The following MAP7D1 variants were observed in gnomAD, a reference collection of about 807,000 sequenced individuals.
MAP7D1 encodes the protein MAP7 domain-containing protein 1.
Under a neutral mutation model 97.5 loss-of-function variants are expected in MAP7D1, and 30 were observed. The observed-to-expected ratio is 0.31, with a 90% confidence interval of 0.23 to 0.42. MAP7D1 has a LOEUF of 0.42. MAP7D1 is among the 10% of genes least tolerant of loss of function. The pLI is 1.00. For missense variants in MAP7D1, 1,184 were observed against 1,179.5 expected (o/e 1.00, Z -0.06); for synonymous variants, 536 against 477.1 (o/e 1.12, Z -1.61).
chr1:36,167,575 C>T (rs1176909469), intron 1 of MAP7D1, among the ~76,000 whole-genome samples: 2 of 152,162 alleles, frequency 1.3e-5, no homozygotes, highest in Non-Finnish European at 2.9e-5. Context: ...ATGATGTACC[C>T]GTCTGTACCA....
Position 36,176,068 on chromosome 1 carries a change from T to G in MAP7D1, c.851-131T>G. On this transcript the variant is annotated intron_variant, in intron 6 of 16. Coordinates refer to ENST00000474796, the MANE Select transcript of MAP7D1 (RefSeq NM_001388490.1). This position sits in a 1 kb window ranked among gnomAD's most constrained non-coding sequence, Gnocchi z 6.1. ...GAGGACAAGTGTGGCCCCGGTGTGA[T>G]TGTGGGGAGAGGACTCCCGGGTGAG... The G allele has an allele frequency of 3.2e-6, 3 of 952,374 alleles. No individual in the cohort carries two copies. The highest frequency in any genetic ancestry group is 4.6e-6 in the Non-Finnish European group (3 of 658,262). The allele number at this position is 952,374 out of a possible 1,614,324, so 59.0% of individuals were successfully genotyped here.
chr1:36,171,698 C>T (rs572709527), intron 3 of MAP7D1, 117 bp downstream of exon 3: 40 of 1,024,562 alleles, frequency 3.9e-5, no homozygotes, highest in Admixed American at 8.2e-5. Flanking sequence ...TTTGGGAGGC[C>T]GAGGCGGGCG....
At chr1:36,161,918 AGAG>A (rs1230195280) in intron 1 of MAP7D1, among the ~76,000 whole-genome samples, 6 of 149,148 alleles carry the variant, frequency 4.0e-5, no homozygotes, top group East Asian at 2.0e-4. Context: ...TGTGAGAGAG[AGAG>A]GAGAATATGT....
rs775481863 is a variant in MAP7D1 at position 36,171,134 on chromosome 1, C to T, written c.210C>T (p.Ser70=). The T allele has an allele frequency of 8.7e-6, 14 of 1,613,898 alleles. No homozygotes were observed. Among genetic ancestry groups the T allele is most frequent in the Non-Finnish European group, 1.2e-5 (14 of 1,179,958 alleles). The change falls in exon 2 of 17, where the codon AGC becomes AGT. Residue 70 remains serine, a synonymous_variant. Transcript: ENST00000474796. The stretch of plus-strand genomic sequence containing the variant: ...AGCAGCTCCCACTGGAACCAGAGAG[C>T]CCCTCAGGGCAGGTCGGGCCTAGGC... ...SSKQLPLEPE[S]PSGQVGPRPA...
At position 36,176,134 on chromosome 1, in the gene MAP7D1, C is replaced by T. The variant is rs1210862986; in HGVS notation, c.851-65C>T. The T allele has an allele frequency of 1.3e-6, 2 of 1,572,544 alleles. No homozygotes were observed. The highest frequency in any genetic ancestry group is 2.3e-5 in the East Asian group (1 of 42,964). ...CATGGGGATGGTGCCTGGTCTGCTC[C>T]CTTGCCTCTTCCTGCCTCCTACGGC... On this transcript the variant is annotated intron_variant, in intron 6 of 16. Transcript: ENST00000474796. This position sits in a 1 kb window ranked among gnomAD's most constrained non-coding sequence, Gnocchi z 6.1.
rs1231806485 is a variant in MAP7D1, at chr1:36,179,698, G to C, written c.2260G>C (p.Gly754Arg). 1 of 1,520,380 alleles carries C rather than the reference G, an allele frequency of 6.6e-7. No homozygotes were observed. Among genetic ancestry groups the C allele is most frequent in the Admixed American group, 2.2e-5 (1 of 45,408 alleles). 94.2% of individuals were successfully genotyped at this position (1,520,380 alleles called of 1,614,324 possible). Residue 754 changes from glycine (G) to arginine (R), a missense_variant, in exon 15 of 17, where the codon GGG (glycine) becomes CGG (arginine). Physicochemically the swap from Gly to Arg is moderately radical, Grantham distance 125 (BLOSUM62 -2). Coordinates refer to ENST00000474796, the MANE Select transcript of MAP7D1 (RefSeq NM_001388490.1). ...PVKAVEARSP[G>R]LQKEAVQKEE... ...GAAAGCTGTGGAGGCTCGGTCCCCAGGGCTGCAGAAGGAGGCTGTGCAGAA... is the reference window on the plus strand; with the variant it reads ...GAAAGCTGTGGAGGCTCGGTCCCCACGGCTGCAGAAGGAGGCTGTGCAGAA...
chr1:36,175,003 G>C lies in MAP7D1; in HGVS notation c.845G>C (p.Ser282Thr). Residue 282 changes from serine to threonine, a missense_variant, in exon 6 of 17, where the codon AGT becomes ACT. Coordinates refer to ENST00000474796, the MANE Select transcript of MAP7D1 (RefSeq NM_001388490.1). ...TCTGCCACGCTCTGGAACTCCCCCAGTAGAAGTAAGAGAAGGCCCAGCCCT... is the reference window on the plus strand; with the variant it reads ...TCTGCCACGCTCTGGAACTCCCCCACTAGAAGTAAGAGAAGGCCCAGCCCT... The part of the protein sequence containing the change: ...KSSATLWNSP[S>T]RNRSLQLSAW... 1 of 1,610,300 alleles carries C rather than the reference G, an allele frequency of 6.2e-7. No individual in the cohort carries two copies.
rs2124188424 is a variant in MAP7D1, at chr1:36,156,219, C to T, written c.-199C>T. ...CGGGGAACGGGTTCGCGACCGCAGC[C>T]GAGAGACCCCGGGCGACCGGCACCT... is the stretch of plus-strand genomic sequence containing the variant. On this transcript the variant is annotated 5_prime_UTR_variant, in exon 1 of 17. Coordinates refer to ENST00000474796, the MANE Select transcript of MAP7D1 (RefSeq NM_001388490.1). The T allele has an allele frequency of 4.6e-6, 2 of 438,218 alleles. No homozygotes were observed. Among genetic ancestry groups the T allele is most frequent in the South Asian group, 5.4e-5 (1 of 18,442 alleles). The allele number at this position is 438,218 out of a possible 1,614,324, so 27.1% of individuals were successfully genotyped here.
intron 1 of MAP7D1, chr1:36,157,079 T>A (rs1644344207): frequency 6.6e-6 from 1 of 152,072 alleles, no homozygotes; most frequent in African/African-American, 2.4e-5. Flanking sequence ...TGCTGCCAAG[T>A]AACCCGCCGG....
Position 36,176,758 on chromosome 1 carries a change from C to G in MAP7D1, c.1295C>G (p.Ala432Gly). The G allele has an allele frequency of 6.2e-7, 1 of 1,603,830 alleles. No homozygotes were observed. Among genetic ancestry groups the G allele is most frequent in the South Asian group, 1.1e-5 (1 of 89,176 alleles). The change falls in exon 8 of 17, where the codon GCC (alanine) becomes GGC (glycine). Residue 432 changes from alanine (A) to glycine (G), a missense_variant. Physicochemically the swap from Ala to Gly is moderately conservative, Grantham distance 60. Coordinates refer to ENST00000474796, the MANE Select transcript of MAP7D1 (RefSeq NM_001388490.1). This position sits in a 1 kb window ranked among gnomAD's most constrained non-coding sequence, Gnocchi z 6.1. Reference protein sequence around the residue: ...RENEKEKSALARERSLKKRQS... With the variant: ...RENEKEKSALGRERSLKKRQS... Reference sequence around the variant, plus strand: ...AACGAGAAGGAGAAGAGTGCCCTAGCCCGGGAGCGCAGCCTCAAGAAGCGC... The same window carrying G: ...AACGAGAAGGAGAAGAGTGCCCTAGGCCGGGAGCGCAGCCTCAAGAAGCGC...
chr1:36,176,553 C>T lies in MAP7D1; in HGVS notation c.1205C>T (p.Pro402Leu), dbSNP rs780310575. 1.1e-4 allele frequency: 166 copies of T among 1,459,274 alleles called. No homozygotes were observed. The highest frequency in any genetic ancestry group is 4.3e-4 in the East Asian group (17 of 39,422). The allele number at this position is 1,459,274 out of a possible 1,614,324, so 90.4% of individuals were successfully genotyped here. Residue 402 changes from proline to leucine, a missense_variant, in exon 7 of 17, where the codon CCG becomes CTG. Coordinates refer to ENST00000474796, the MANE Select transcript of MAP7D1 (RefSeq NM_001388490.1). The surrounding 1 kb of genome is among the most constrained non-coding windows in gnomAD (Gnocchi z 6.1). ...RKPNAGGSPA[P>L]VRRRPEASPV... ...CCCAACGCCGGGGGCAGCCCCGCTC[C>T]GGTGCGCCGCCGGCCGGAGGCCTCG...
At chr1:36,177,780 C>T in intron 8 of MAP7D1, 93 bp from the exon 9 acceptor site, 4 of 1,428,104 alleles carry the variant, frequency 2.8e-6, no homozygotes, top group Non-Finnish European at 3.7e-6. Context: ...CTGATGTAGC[C>T]TGGGGGAGGG....
rs775240265 is a variant in MAP7D1 at position 36,179,489 on chromosome 1, C to G, written c.2185-26C>G. 12 of 1,579,544 alleles carry G rather than the reference C, an allele frequency of 7.6e-6. 1 individual carries two copies. The South Asian group carries it at 1.4e-4, about 18-fold the overall frequency. Reference sequence around the variant, plus strand: ...GGCTGGGGCCGGCTGTCCCTTGAGCCTGACTGCTCTTCCTCTTCAAAGCAG... The same window carrying G: ...GGCTGGGGCCGGCTGTCCCTTGAGCGTGACTGCTCTTCCTCTTCAAAGCAG... On this transcript the variant is annotated intron_variant, in intron 13 of 16. Transcript: ENST00000474796.
At position 36,174,945 on chromosome 1, in the gene MAP7D1, G is replaced by T; in HGVS notation, c.787G>T (p.Asp263Tyr). Residue 263 changes from aspartate to tyrosine, a missense_variant, in exon 6 of 17, where the codon GAC becomes TAC. By Grantham distance (160) the Asp-to-Tyr change is radical. Coordinates refer to ENST00000474796, the MANE Select transcript of MAP7D1 (RefSeq NM_001388490.1). ...VSAVNLPKHV[D>Y]SIINKRLSKS... ...GGCAGTTAACCTGCCCAAACACGTG[G>T]ACTCTATAATCAACAAGCGGCTCTC... is the stretch of plus-strand genomic sequence containing the variant. 6.2e-7 allele frequency: 1 copy of T among 1,614,010 alleles called. No individual in the cohort carries two copies. The highest frequency in any genetic ancestry group is 8.5e-7 in the Non-Finnish European group (1 of 1,179,978).
At chr1:36,164,579 A>AAATT (rs1410580682) in intron 1 of MAP7D1, among the ~76,000 whole-genome samples, 2 of 152,202 alleles carry the variant, frequency 1.3e-5, no homozygotes, top group African/African-American at 4.8e-5. Flanking sequence ...CATCAGCATT[A>AAATT]AAGGAAGGTC....
chr1:36,178,723 C>T lies in MAP7D1; in HGVS notation c.1925C>T (p.Ala642Val). The T allele has an allele frequency of 6.5e-7, 1 of 1,539,408 alleles. No individual in the cohort carries two copies. Among genetic ancestry groups the T allele is most frequent in the Non-Finnish European group, 8.7e-7 (1 of 1,143,012 alleles). ...REEQLAREAE[A>V]RAEREAEARR... ...GAGCAGCTGGCACGGGAGGCCGAGG[C>T]CCGGGCGGAGCGGGAGGCGGAGGCC... is the stretch of plus-strand genomic sequence containing the variant. Residue 642 changes from alanine to valine, a missense_variant, in exon 11 of 17, where the codon GCC becomes GTC. Ala to Val is a moderately conservative substitution (Grantham distance 64). Coordinates refer to ENST00000474796, the MANE Select transcript of MAP7D1 (RefSeq NM_001388490.1).
At position 36,171,556 on chromosome 1, in the gene MAP7D1, G is replaced by T; in HGVS notation, c.435G>T (p.Arg145=). The T allele has an allele frequency of 3.7e-6, 6 of 1,614,214 alleles. No homozygotes were observed. Among genetic ancestry groups the T allele is most frequent in the Non-Finnish European group, 5.1e-6 (6 of 1,180,020 alleles). ...AGAGACACAAGCTGGCAAAGGAGCGGCGAGAAGAGCGGGCCAAGTACCTGG... is the reference window on the plus strand; with the variant it reads ...AGAGACACAAGCTGGCAAAGGAGCGTCGAGAAGAGCGGGCCAAGTACCTGG... The part of the protein sequence containing the change: ...AGERHKLAKE[R]REERAKYLAA... Residue 145 remains arginine (R), a synonymous_variant, in exon 3 of 17, where the codon CGG becomes CGT. Coordinates refer to ENST00000474796, the MANE Select transcript of MAP7D1 (RefSeq NM_001388490.1).
rs1406372413 is a variant in MAP7D1 at position 36,176,345 on chromosome 1, G to A, written c.997G>A (p.Gly333Ser). 1.3e-6 allele frequency: 2 copies of A among 1,528,188 alleles called. No homozygotes were observed. The highest frequency in any genetic ancestry group is 1.8e-6 in the Non-Finnish European group (2 of 1,140,620). The allele number at this position is 1,528,188 out of a possible 1,614,324, so 94.7% of individuals were successfully genotyped here. ...GGGTAGGGGCTGCGACCCTGGGAGA[G>A]GCCCCACGTGGGGCCGGGCAGGGGC... ...DQGRGCDPGRGPTWGRAGASL... is the reference protein window; with the variant it reads ...DQGRGCDPGRSPTWGRAGASL... Residue 333 changes from glycine to serine, a missense_variant, in exon 7 of 17, where the codon GGC becomes AGC. By Grantham distance (56) the Gly-to-Ser change is moderately conservative. Transcript: ENST00000474796. This position sits in a 1 kb window ranked among gnomAD's most constrained non-coding sequence, Gnocchi z 6.1.
chr1:36,167,988 C>T (rs1644493225), intron 1 of MAP7D1, among the ~76,000 whole-genome samples: 1 of 152,180 alleles, frequency 6.6e-6, no homozygotes, highest in Non-Finnish European at 1.5e-5. Context: ...TGGCTTCAGA[C>T]AGTCCTGAGT....
Sources: gnomAD v4.1 joint callset for allele counts (sites outside exome capture counted in the v4.1 genomes callset) on GRCh38, gnomAD v4.1.1 for gene constraint, Gnocchi (gnomAD v3.1) non-coding constraint, MANE v1.5 for transcripts, NCBI Gene and HGNC (gene_info 2026-07-23, HGNC 2026-07-21) for gene names.